Variants in MAGI1 observed in about 807,000 individuals in gnomAD.
The protein encoded by MAGI1 is membrane associated guanylate kinase, WW and PDZ domain containing 1.
In MAGI1, 58 loss-of-function variants were observed where a neutral mutation model predicts 139.9. That is an observed-to-expected ratio of 0.41 (90% CI 0.34 to 0.52). The LOEUF is 0.52. MAGI1 is among the 20% of genes least tolerant of loss of function. MAGI1 has a pLI of 0.12. For synonymous variants in MAGI1, 812 were observed against 737.9 expected (o/e 1.10, Z -1.63); for missense variants, 1,874 against 1,901.6 (o/e 0.99, Z 0.27).
intron 1 of MAGI1, among the ~76,000 whole-genome samples, chr3:65,829,486 A>G (rs191484209): frequency 6.6e-6 from 1 of 152,268 alleles, no homozygotes; most frequent in Admixed American, 6.5e-5. Flanking sequence ...GCATGTCAGG[A>G]AGGCACAATC....
At chr3:65,399,809 A>T (rs1944710122) in intron 13 of MAGI1, among the ~76,000 whole-genome samples, 2 of 152,192 alleles carry the variant, frequency 1.3e-5, no homozygotes, top group Non-Finnish European at 2.9e-5. Flanking sequence ...CACTTGGGGG[A>T]AACAGAAATG....
At chr3:66,035,543 G>A (rs1285213559) in intron 1 of MAGI1, among the ~76,000 whole-genome samples, 2 of 152,210 alleles carry the variant, frequency 1.3e-5, no homozygotes, top group East Asian at 1.9e-4. Flanking sequence ...CATCATTACT[G>A]GTAATGAAGA....
chr3:65,578,488 G>A (rs975992358), intron 2 of MAGI1, among the ~76,000 whole-genome samples: 1 of 152,136 alleles, frequency 6.6e-6, no homozygotes, highest in Non-Finnish European at 1.5e-5. Context: ...ATTCTTCTTT[G>A]TTCCCACTTG....
chr3:65,951,974 G>C (rs2063881813), intron 1 of MAGI1, among the ~76,000 whole-genome samples: 1 of 152,228 alleles, frequency 6.6e-6, no homozygotes. Context: ...AAGAGTAAAT[G>C]AGATTGCAAT....
At chr3:65,497,234 A>G (rs189834339) in intron 2 of MAGI1, among the ~76,000 whole-genome samples, 1 of 152,166 alleles carries the variant, frequency 6.6e-6, no homozygotes, top group African/African-American at 2.4e-5. Context: ...ATCTACAGAG[A>G]GAGTTTAGGG....
rs1214508449 is a variant in MAGI1, at chr3:65,976,773, A to T, written c.313+61223T>A. On this transcript the variant is annotated intron_variant, in intron 1 of 22. Transcript: ENST00000402939. ...TACAAGAATTAATCGAAACACACTT[A>T]GCTTAAGGCACAGGTAAACCATGAA... is the stretch of plus-strand genomic sequence containing the variant. Among the ~76,000 whole-genome samples, 9 of 152,250 alleles carry T rather than the reference A, an allele frequency of 5.9e-5. 1 individual carries two copies. The highest frequency in any genetic ancestry group is 5.9e-4 in the Admixed American group (9 of 15,286).
chr3:65,923,517 G>A (rs758814924), intron 1 of MAGI1, among the ~76,000 whole-genome samples: 21 of 152,106 alleles, frequency 1.4e-4, no homozygotes, highest in East Asian at 3.9e-4. Context: ...GAGCCACCAC[G>A]CCTGGCCTCA....
intron 1 of MAGI1, among the ~76,000 whole-genome samples, chr3:65,901,118 T>C (rs1267871686): frequency 6.6e-6 from 1 of 152,228 alleles, no homozygotes; most frequent in Non-Finnish European, 1.5e-5. Flanking sequence ...CATCCTCTTT[T>C]TATTTTTGCT....
At chr3:65,812,468 T>TCTCTCTCTCACACACACGCACACACA (rs1176899313) in intron 1 of MAGI1, among the ~76,000 whole-genome samples, 88 of 89,158 alleles carry the variant, frequency 9.9e-4, no homozygotes, top group African/African-American at 2.8e-3. Context: ...TCTCTCTCTC[T>TCTCTCTCTCACACACACGCACACACA]CACACACACA....
At position 65,633,678 on chromosome 3, in the gene MAGI1, C is replaced by G. The variant is rs114281338; in HGVS notation, c.314-11590G>C. On this transcript the variant is annotated intron_variant, in intron 1 of 22. Transcript: ENST00000402939. Reference sequence around the variant, plus strand: ...ATCTTGATTTTTTCATTATTTACAGCCTTTGGTGCTTCTTGTATTTATTCC... The same window carrying G: ...ATCTTGATTTTTTCATTATTTACAGGCTTTGGTGCTTCTTGTATTTATTCC... Among the ~76,000 whole-genome samples, 736 of 152,194 alleles carry G rather than the reference C, an allele frequency of 4.8e-3. 5 individuals are homozygous for G. The highest frequency in any genetic ancestry group is 0.02 in the Middle Eastern group (6 of 294).
intron 1 of MAGI1, among the ~76,000 whole-genome samples, chr3:65,689,126 C>T (rs775830914): frequency 6.6e-6 from 1 of 152,218 alleles, no homozygotes; most frequent in Non-Finnish European, 1.5e-5. Context: ...CATAGTCCCT[C>T]TGAAACCCAG....
intron 1 of MAGI1, among the ~76,000 whole-genome samples, chr3:66,030,136 C>G (rs1009784017): frequency 6.6e-6 from 1 of 152,134 alleles, no homozygotes; most frequent in African/African-American, 2.4e-5. Flanking sequence ...ACCCATAATA[C>G]TAAGACCAAC....
At chr3:65,659,212 G>GA (rs370279394) in intron 1 of MAGI1, among the ~76,000 whole-genome samples, 9 of 149,856 alleles carry the variant, frequency 6.0e-5, no homozygotes, top group East Asian at 3.9e-4. Context: ...GTTTCTGGAG[G>GA]AAAAAAAAAT....
At position 65,439,878 on chromosome 3, in the gene MAGI1, C is replaced by T; in HGVS notation, c.1270+1G>A. Reference sequence around the variant, plus strand: ...AAAAAGCCTAGAGGAAAGAGGCCAACCTTCTGTCTGCTGCTGCTGCTGCTG... The same window carrying T: ...AAAAAGCCTAGAGGAAAGAGGCCAATCTTCTGTCTGCTGCTGCTGCTGCTG... On this transcript the variant is annotated splice_donor_variant, in intron 9 of 22. Transcript: ENST00000402939. LOFTEE classifies it high-confidence loss of function. 1 of 1,608,200 alleles carries T rather than the reference C, an allele frequency of 6.2e-7. No homozygotes were observed. The highest frequency in any genetic ancestry group is 8.5e-7 in the Non-Finnish European group (1 of 1,179,512).
intron 1 of MAGI1, among the ~76,000 whole-genome samples, chr3:65,899,192 C>T (rs1319785059): frequency 6.6e-6 from 1 of 152,176 alleles, no homozygotes; most frequent in Non-Finnish European, 1.5e-5. Flanking sequence ...GCTGGTATTA[C>T]AGGTGTGACC....
intron 2 of MAGI1, among the ~76,000 whole-genome samples, chr3:65,610,488 C>G (rs1393245401): frequency 1.3e-5 from 2 of 151,712 alleles, no homozygotes; most frequent in African/African-American, 4.8e-5. Context: ...ACTCAGGCAG[C>G]TATTTTTTTT....
intron 1 of MAGI1, among the ~76,000 whole-genome samples, chr3:65,876,856 G>A (rs1171293755): frequency 6.7e-6 from 1 of 150,286 alleles, no homozygotes; most frequent in Admixed American, 6.7e-5. Flanking sequence ...CCATTCTCCT[G>A]CCTCAGCCTC....
chr3:65,493,646 A>C lies in MAGI1; in HGVS notation c.431-15T>G. 6.2e-7 allele frequency: 1 copy of C among 1,613,742 alleles called. No individual in the cohort carries two copies. The highest frequency in any genetic ancestry group is 8.5e-7 in the Non-Finnish European group (1 of 1,180,002). On this transcript the variant is annotated splice_polypyrimidine_tract_variant and intron_variant, in intron 2 of 22. Coordinates refer to ENST00000402939, the MANE Select transcript of MAGI1 (RefSeq NM_001033057.2). The stretch of plus-strand genomic sequence containing the variant: ...TCGGGTTGTGCCTGTAGCAGAAAAT[A>C]CAAAGGCACAACAAACCATCAATCA...
chr3:65,680,795 T>TG (rs1553690350), intron 1 of MAGI1, among the ~76,000 whole-genome samples: 1 of 151,160 alleles, frequency 6.6e-6, no homozygotes, highest in South Asian at 2.1e-4. Context: ...TATGATATGA[T>TG]ATACTTTAAT....
Sources: gnomAD v4.1 joint callset for allele counts (sites outside exome capture counted in the v4.1 genomes callset) on GRCh38, gnomAD v4.1.1 for gene constraint, MANE v1.5 for transcripts, NCBI Gene and HGNC (gene_info 2026-07-23, HGNC 2026-07-21) for gene names.